Variants in GRM1 observed in about 807,000 individuals in gnomAD.
The protein encoded by GRM1 is metabotropic glutamate receptor 1.
Under a neutral mutation model 90.9 loss-of-function variants are expected in GRM1, and 33 were observed. The observed-to-expected ratio is 0.36, with a 90% CI of 0.28 to 0.49. The LOEUF (loss-of-function observed/expected upper bound fraction) is 0.49, where lower values mean the gene tolerates loss of function less well. Among genes scored for constraint, GRM1 ranks in the 20% least tolerant of loss-of-function variants. GRM1 has a pLI of 0.99. For synonymous variants in GRM1, 700 were observed against 613.2 expected, an observed-to-expected ratio of 1.14 and a Z score of -2.09; for missense variants, 1,190 against 1,534.3, an observed-to-expected ratio of 0.78 and a Z score of 3.75.
chr6:146,305,854 A>T (rs362955), intron 3 of GRM1, among the ~76,000 whole-genome samples: 19,444 of 152,260 alleles, frequency 0.13, 1,426 homozygotes, highest in South Asian at 0.21. Context: ...CTTGACCTAG[A>T]GAGGCTTGCC....
chr6:146,266,715 G>A (rs1458997164), intron 2 of GRM1, among the ~76,000 whole-genome samples: 1 of 152,178 alleles, frequency 6.6e-6, no homozygotes, highest in Non-Finnish European at 1.5e-5. Flanking sequence ...AGCAAGCCCT[G>A]CTCCCATCCA....
intron 3 of GRM1, among the ~76,000 whole-genome samples, chr6:146,316,479 C>T (rs1273504771): frequency 1.3e-5 from 2 of 152,222 alleles, no homozygotes; most frequent in Non-Finnish European, 2.9e-5. Context: ...GTCTACCACA[C>T]TAGGTGTCAA....
intron 1 of GRM1, among the ~76,000 whole-genome samples, chr6:146,156,301 G>C (rs999890479): frequency 1.3e-5 from 2 of 152,220 alleles, no homozygotes; most frequent in Non-Finnish European, 2.9e-5. Flanking sequence ...AGCTGCTCAG[G>C]AGGCTGAGAC....
At chr6:146,366,136 G>A (rs1775677169) in intron 5 of GRM1, among the ~76,000 whole-genome samples, 1 of 152,142 alleles carries the variant, frequency 6.6e-6, no homozygotes, top group Non-Finnish European at 1.5e-5. Context: ...GCAATCAAAT[G>A]CATATTTCAA....
Position 146,029,463 on chromosome 6 carries a change from A to G in GRM1, c.-55A>G. 1 of 1,404,162 alleles carries G rather than the reference A, an allele frequency of 7.1e-7. No individual in the cohort carries two copies. Among genetic ancestry groups the G allele is most frequent in the South Asian group, 1.2e-5 (1 of 86,760 alleles). The allele number at this position is 1,404,162 out of a possible 1,614,324, so 87.0% of individuals were successfully genotyped here. A position where few individuals can be genotyped will look rare whatever the true frequency, so the allele number is the denominator to read the frequency against. On this transcript the variant is annotated 5_prime_UTR_variant, in exon 1 of 8. Coordinates refer to ENST00000282753, the MANE Select transcript of GRM1 (RefSeq NM_001278064.2). Reference sequence around the variant, plus strand: ...TTGGGGGTGCGCGCCGGGAGCCTGCAGCGGGACCAGCGTGGGAACGCGGCT... The same window carrying G: ...TTGGGGGTGCGCGCCGGGAGCCTGCGGCGGGACCAGCGTGGGAACGCGGCT...
At chr6:146,211,736 T>C (rs990519) in intron 2 of GRM1, among the ~76,000 whole-genome samples, 34,271 of 152,176 alleles carry the variant, frequency 0.23, 8,033 homozygotes, top group African/African-American at 0.6. Context: ...TAATGAACAA[T>C]GGTATTTGTT....
At chr6:146,163,477 A>G (rs2128892362) in intron 2 of GRM1, among the ~76,000 whole-genome samples, 1 of 152,332 alleles carries the variant, frequency 6.6e-6, no homozygotes, top group East Asian at 1.9e-4. Context: ...TAAGATAGGT[A>G]CTAATATTAT....
At chr6:146,221,578 C>A (rs1780063321) in intron 2 of GRM1, among the ~76,000 whole-genome samples, 1 of 152,110 alleles carries the variant, frequency 6.6e-6, no homozygotes, top group South Asian at 2.1e-4. Context: ...ACCACATTTT[C>A]TTTATTCAGT....
chr6:146,393,459 G>A (rs1483117001), intron 6 of GRM1, among the ~76,000 whole-genome samples: 2 of 151,676 alleles, frequency 1.3e-5, no homozygotes, highest in African/African-American at 2.4e-5. Flanking sequence ...TTGCAAAAAT[G>A]TTCTCCCATC....
At position 146,249,116 on chromosome 6, in the gene GRM1, A is replaced by C. The variant is rs146757913; in HGVS notation, c.951-55495A>C. Among the ~76,000 whole-genome samples, 3 of 152,346 alleles carry C rather than the reference A, an allele frequency of 2.0e-5. No individual in the cohort carries two copies. In the East Asian group the frequency reaches 5.8e-4, roughly 29 times the overall value. ...TTGAAATTAGAACTTATGTTTGAGA[A>C]GGAAGCAGAGCATAAAGATTTATAA... On this transcript the variant is annotated intron_variant, in intron 2 of 7. Coordinates refer to ENST00000282753, the MANE Select transcript of GRM1 (RefSeq NM_001278064.2).
At chr6:146,362,877 T>C (rs1179251248) in intron 5 of GRM1, among the ~76,000 whole-genome samples, 2 of 152,154 alleles carry the variant, frequency 1.3e-5, no homozygotes, top group East Asian at 3.9e-4. Flanking sequence ...AGCAGATTCA[T>C]TGAGAATCAA....
At chr6:146,371,073 C>A (rs760821692) in intron 5 of GRM1, among the ~76,000 whole-genome samples, 1 of 152,012 alleles carries the variant, frequency 6.6e-6, no homozygotes, top group Non-Finnish European at 1.5e-5. Context: ...GCCTTCCATT[C>A]TTTCACGTAC....
chr6:146,435,912 T>C lies in GRM1; in HGVS notation c.*1116T>C, dbSNP rs1778581077. 6.6e-6 allele frequency: 1 copy of C among 152,650 alleles called. No individual in the cohort carries two copies. Among genetic ancestry groups the C allele is most frequent in the Admixed American group, 6.5e-5 (1 of 15,286 alleles). The allele number at this position is 152,650 out of a possible 1,614,324, so 9.5% of individuals were successfully genotyped here. A position where few individuals can be genotyped will look rare whatever the true frequency, so the allele number is the denominator to read the frequency against. ...CCTACGTATTAGAGAAACAAATCCATCTTTGAATCTAATGGTGTACTCATA... is the reference window on the plus strand; with the variant it reads ...CCTACGTATTAGAGAAACAAATCCACCTTTGAATCTAATGGTGTACTCATA... On this transcript the variant is annotated 3_prime_UTR_variant, in exon 8 of 8. Transcript: ENST00000282753.
Position 146,434,971 on chromosome 6 carries a change from G to A in GRM1, c.*175G>A, listed in dbSNP as rs544920087. ...CTGCCTTAAGTAGGAAGAGAGGGAA[G>A]GACACCAAGCAAAAAATGTTCCAGG... On this transcript the variant is annotated 3_prime_UTR_variant, in exon 8 of 8. Transcript: ENST00000282753. 3.8e-4 allele frequency: 249 copies of A among 652,458 alleles called. 2 individuals are homozygous for A. The South Asian group carries it at 4.1e-3, about 11-fold the overall frequency. 40.4% of individuals were successfully genotyped at this position (652,458 alleles called of 1,614,324 possible).
At chr6:146,289,112 C>CT (rs1350895677) in intron 2 of GRM1, among the ~76,000 whole-genome samples, 1 of 151,718 alleles carries the variant, frequency 6.6e-6, no homozygotes, top group Non-Finnish European at 1.5e-5. Flanking sequence ...CTTCTACATA[C>CT]TAAAAAAAAA....
rs113264005 is a variant in GRM1 at position 146,030,232 on chromosome 6, T to C, written c.700+15T>C. 3.7e-4 allele frequency: 572 copies of C among 1,563,688 alleles called. 2 individuals carry two copies. The African/African-American group carries it at 6.9e-3, about 19-fold the overall frequency. ...CCACACGGAAGGTAGGCATTATATT[T>C]GGGAAAGAAGGGTACTGAGAAAGTC... On this transcript the variant is annotated intron_variant, in intron 1 of 7. Transcript: ENST00000282753.
At chr6:146,374,491 AG>A (rs780124854) in intron 5 of GRM1, among the ~76,000 whole-genome samples, 4 of 152,136 alleles carry the variant, frequency 2.6e-5, no homozygotes, top group Non-Finnish European at 5.9e-5. Flanking sequence ...AGAAGCAAAC[AG>A]GTCCCTGGCT....
At chr6:146,412,014 C>A (rs892425342) in intron 7 of GRM1, among the ~76,000 whole-genome samples, 2 of 152,074 alleles carry the variant, frequency 1.3e-5, no homozygotes, top group East Asian at 3.9e-4. Flanking sequence ...TAAGATGAAC[C>A]TAACTGTCTT....
chr6:146,352,006 G>C (rs1227441416), intron 3 of GRM1, among the ~76,000 whole-genome samples: 1 of 152,120 alleles, frequency 6.6e-6, no homozygotes, highest in Non-Finnish European at 1.5e-5. Flanking sequence ...CGCCTCTGTG[G>C]AGTTTGTTTT....
Sources: gnomAD v4.1 joint callset for allele counts (sites outside exome capture counted in the v4.1 genomes callset) on GRCh38, gnomAD v4.1.1 for gene constraint, MANE v1.5 for transcripts, NCBI Gene and HGNC (gene_info 2026-07-23, HGNC 2026-07-21) for gene names.